Variants in GRIK2 observed in about 807,000 individuals in gnomAD.
GRIK2 encodes the protein glutamate receptor ionotropic, kainate 2.
GRIK2 carries 32 observed loss-of-function variants against 100.3 expected under a neutral mutation model. That is an observed-to-expected ratio of 0.32 (90% CI 0.24 to 0.43). The LOEUF (loss-of-function observed/expected upper bound fraction) is 0.43. Among genes scored for constraint, GRIK2 ranks in the 20% least tolerant of loss-of-function variants. The probability of loss-of-function intolerance (pLI) is 1.00; values close to 1 mark genes in which losing one functional copy is unlikely to be tolerated. For synonymous variants in GRIK2, 417 were observed against 389.4 expected, an observed-to-expected ratio of 1.07 and a Z score of -0.83; for missense variants, 843 against 1,114.9, an observed-to-expected ratio of 0.76 and a Z score of 3.47.
chr6:101,791,355 A>G (rs916906423), intron 7 of GRIK2, among the ~76,000 whole-genome samples: 6 of 151,960 alleles, frequency 3.9e-5, no homozygotes, highest in Non-Finnish European at 7.4e-5. Context: ...AGTGCTATAA[A>G]TTTCCCTCTA....
At chr6:101,845,775 CTAG>C (rs1783771476) in intron 10 of GRIK2, among the ~76,000 whole-genome samples, 2 of 152,158 alleles carry the variant, frequency 1.3e-5, no homozygotes, top group African/African-American at 4.8e-5. Context: ...CACTTTCTCA[CTAG>C]CAAATGTATG....
chr6:101,908,079 C>T (rs2128464309), intron 12 of GRIK2, among the ~76,000 whole-genome samples: 1 of 151,490 alleles, frequency 6.6e-6, no homozygotes, highest in Middle Eastern at 3.4e-3. Flanking sequence ...ATGATTTGGC[C>T]ACTGTTTTTT....
intron 2 of GRIK2, among the ~76,000 whole-genome samples, chr6:101,608,239 A>G (rs1459320939): frequency 6.6e-6 from 1 of 151,774 alleles, no homozygotes; most frequent in Non-Finnish European, 1.5e-5. Context: ...AATATTTCCT[A>G]TTTTATTAGC....
intron 7 of GRIK2, among the ~76,000 whole-genome samples, chr6:101,709,876 A>G (rs1327966782): frequency 6.6e-6 from 1 of 151,794 alleles, no homozygotes; most frequent in Non-Finnish European, 1.5e-5. Context: ...TACCATTTCT[A>G]TGAGATAGAA....
chr6:101,673,511 A>G (rs1048133890), intron 4 of GRIK2, among the ~76,000 whole-genome samples: 3 of 152,176 alleles, frequency 2.0e-5, no homozygotes, highest in African/African-American at 7.2e-5. Context: ...GCTTGCATCT[A>G]CAGCTGGGCT....
intron 11 of GRIK2, among the ~76,000 whole-genome samples, chr6:101,882,275 G>C (rs1238607740): frequency 6.6e-6 from 1 of 151,970 alleles, no homozygotes; most frequent in Non-Finnish European, 1.5e-5. Context: ...AATAATTCTA[G>C]TATAGAGAAA....
At chr6:101,822,881 T>A (rs988187753) in intron 10 of GRIK2, among the ~76,000 whole-genome samples, 3 of 152,218 alleles carry the variant, frequency 2.0e-5, no homozygotes, top group Admixed American at 1.3e-4. Flanking sequence ...TACTATAAAA[T>A]GAAAATTCTA....
chr6:101,579,783 G>A (rs367607328), intron 2 of GRIK2, among the ~76,000 whole-genome samples: 60 of 151,378 alleles, frequency 4.0e-4, no homozygotes, highest in African/African-American at 1.4e-3. Context: ...CCCAGGAGGC[G>A]GAGGTTGCAG....
intron 2 of GRIK2, among the ~76,000 whole-genome samples, chr6:101,582,349 T>G (rs1167263636): frequency 6.6e-6 from 1 of 152,122 alleles, no homozygotes; most frequent in Non-Finnish European, 1.5e-5. Flanking sequence ...TGTGCTAGTT[T>G]GCTGAGAATG....
chr6:101,816,242 TA>T (rs60188503), intron 9 of GRIK2, among the ~76,000 whole-genome samples: 30,428 of 149,094 alleles, frequency 0.2, 4,926 homozygotes, highest in East Asian at 0.65. Context: ...CAATTTATAT[TA>T]AAAAAAAAAG....
intron 14 of GRIK2, among the ~76,000 whole-genome samples, chr6:102,017,775 T>C (rs768977744): frequency 9.9e-5 from 15 of 152,182 alleles, no homozygotes; most frequent in Non-Finnish European, 1.6e-4. Flanking sequence ...TGTTGTATTC[T>C]CAAGTTCAGA....
At chr6:101,807,676 G>A (rs1382651826) in intron 9 of GRIK2, among the ~76,000 whole-genome samples, 7 of 151,900 alleles carry the variant, frequency 4.6e-5, no homozygotes, top group South Asian at 2.1e-4. Context: ...GTTTTGGGGG[G>A]CACATTTGAC....
At chr6:101,455,991 A>G (rs900093871) in intron 2 of GRIK2, among the ~76,000 whole-genome samples, 11 of 152,076 alleles carry the variant, frequency 7.2e-5, no homozygotes, top group Admixed American at 2.6e-4. Context: ...GTAAAAACTC[A>G]AAAAGCTAAC....
At chr6:101,825,511 G>C (rs1782263492) in intron 10 of GRIK2, among the ~76,000 whole-genome samples, 1 of 152,000 alleles carries the variant, frequency 6.6e-6, no homozygotes, top group Non-Finnish European at 1.5e-5. Flanking sequence ...AGCCTTCTAA[G>C]TGCCAGAACC....
intron 12 of GRIK2, among the ~76,000 whole-genome samples, chr6:101,902,913 G>A (rs1787964587): frequency 6.6e-6 from 1 of 151,852 alleles, no homozygotes; most frequent in Admixed American, 6.6e-5. Flanking sequence ...ATTAATAGGG[G>A]ATGATTGTGT....
chr6:101,447,653 C>G (rs1202151105), intron 2 of GRIK2, among the ~76,000 whole-genome samples: 1 of 151,640 alleles, frequency 6.6e-6, no homozygotes, highest in Non-Finnish European at 1.5e-5. Context: ...GTTCTGACAT[C>G]TTTACAATAT....
intron 12 of GRIK2, chr6:101,891,591 T>G (rs1335970794): frequency 2.5e-6 from 1 of 405,274 alleles, no homozygotes; most frequent in Non-Finnish European, 4.7e-6. Context: ...CATATTTATA[T>G]GTAATTATTT....
intron 2 of GRIK2, among the ~76,000 whole-genome samples, chr6:101,459,439 G>A (rs982347305): frequency 1.4e-4 from 22 of 152,146 alleles, no homozygotes; most frequent in African/African-American, 5.1e-4. Context: ...CTCTTACTGA[G>A]ATTGCTTTCC....
In GRIK2 at chr6:101,762,216, C is replaced by T. The variant is rs547104619; in HGVS notation, c.952-37432C>T. Among the ~76,000 whole-genome samples, 116 of 151,360 alleles carry T rather than the reference C, an allele frequency of 7.7e-4. 1 individual carries two copies. The highest frequency in any genetic ancestry group is 2.6e-3 in the African/African-American group (107 of 41,052). ...CTCAGACAGGGTGTCACTCTGTTGC[C>T]CAGGCTAGAGTAGAGTGGCACTATC... On this transcript the variant is annotated intron_variant, in intron 7 of 16. Transcript: ENST00000369134.
Sources: allele counts gnomAD v4.1 joint callset (sites outside exome capture counted in the v4.1 genomes callset), GRCh38; gene constraint gnomAD v4.1.1; transcripts MANE v1.5; gene names NCBI Gene and HGNC (gene_info 2026-07-23, HGNC 2026-07-21).